ZEB1: variants seen among roughly 807,000 people sequenced by gnomAD.
ZEB1 encodes the protein zinc finger E-box binding homeobox 1.
Under a neutral mutation model 84.9 loss-of-function variants are expected in ZEB1, and 21 were observed. The ratio of observed to expected loss-of-function variants is 0.25; its 90% CI spans 0.18 to 0.36. ZEB1 has a LOEUF of 0.36. ZEB1 is among the 10% of genes least tolerant of loss of function. The pLI is 1.00. For missense variants in ZEB1, 1,104 were observed against 1,330.2 expected, an observed-to-expected ratio of 0.83 and a Z score of 2.65; for synonymous variants, 420 against 471.1, an observed-to-expected ratio of 0.89 and a Z score of 1.41.
chr10:31,477,121 A>T (rs777208523), intron 2 of ZEB1, among the ~76,000 whole-genome samples: 1 of 151,974 alleles, frequency 6.6e-6, no homozygotes, highest in African/African-American at 2.4e-5. Flanking sequence ...AAATCAAATT[A>T]TCTCTGGTCA....
chr10:31,488,615 C>T (rs538941564), intron 2 of ZEB1, among the ~76,000 whole-genome samples: 1 of 150,798 alleles, frequency 6.6e-6, no homozygotes, highest in South Asian at 2.1e-4. Flanking sequence ...TTTTAATACA[C>T]AATTCAGAAT....
chr10:31,446,854 AGGTGT>A (rs1445263876), intron 1 of ZEB1, among the ~76,000 whole-genome samples: 6 of 151,800 alleles, frequency 4.0e-5, no homozygotes, highest in Non-Finnish European at 8.8e-5. Context: ...ATTTTGGAAT[AGGTGT>A]GGTGTGGTGC....
intron 1 of ZEB1, among the ~76,000 whole-genome samples, chr10:31,326,031 A>G (rs2035421794): frequency 6.7e-6 from 1 of 148,718 alleles, no homozygotes; most frequent in Non-Finnish European, 1.5e-5. Context: ...AAAAAAACTC[A>G]TTTTCTTGGA....
chr10:31,446,317 G>T (rs2059768950), intron 1 of ZEB1, among the ~76,000 whole-genome samples: 1 of 151,744 alleles, frequency 6.6e-6, no homozygotes, highest in Admixed American at 6.6e-5. Context: ...TTTTTTATTA[G>T]TCTTGCTAGT....
intron 1 of ZEB1, among the ~76,000 whole-genome samples, chr10:31,350,582 A>T (rs549848707): frequency 1.3e-5 from 2 of 152,172 alleles, no homozygotes; most frequent in African/African-American, 4.8e-5. Context: ...CTAGTTTAAG[A>T]TACTTGGTTA....
intron 6 of ZEB1, among the ~76,000 whole-genome samples, chr10:31,515,709 T>C (rs2070960853): frequency 6.6e-6 from 1 of 152,098 alleles, no homozygotes; most frequent in Admixed American, 6.6e-5. Flanking sequence ...AGTTACCACT[T>C]GAAAATGCTC....
intron 1 of ZEB1, among the ~76,000 whole-genome samples, chr10:31,444,880 T>C (rs2059555016): frequency 6.6e-6 from 1 of 152,072 alleles, no homozygotes; most frequent in South Asian, 2.1e-4. Flanking sequence ...TGGCTTAGGA[T>C]TGACTTGGCG....
intron 1 of ZEB1, among the ~76,000 whole-genome samples, chr10:31,432,281 T>C (rs2057805443): frequency 2.0e-5 from 3 of 152,216 alleles, no homozygotes; most frequent in Admixed American, 6.5e-5. Flanking sequence ...TTATATTTTA[T>C]TTAGAAATTT....
intron 1 of ZEB1, among the ~76,000 whole-genome samples, chr10:31,376,123 A>G (rs2046577078): frequency 6.6e-6 from 1 of 151,808 alleles, no homozygotes; most frequent in African/African-American, 2.4e-5. Context: ...TTATTCATTC[A>G]GTATATTCTT....
At chr10:31,414,202 C>T (rs900894230) in intron 1 of ZEB1, among the ~76,000 whole-genome samples, 15 of 152,158 alleles carry the variant, frequency 9.9e-5, no homozygotes, top group African/African-American at 3.6e-4. Flanking sequence ...TGTAAAAGCA[C>T]ACAACATAGT....
chr10:31,372,507 T>C (rs2134473816), intron 1 of ZEB1, among the ~76,000 whole-genome samples: 2 of 152,128 alleles, frequency 1.3e-5, no homozygotes, highest in East Asian at 3.9e-4. Flanking sequence ...ATTTTTATAT[T>C]ATAATTAGAA....
chr10:31,459,448 C>G (rs1462917290), intron 1 of ZEB1, among the ~76,000 whole-genome samples: 3 of 151,866 alleles, frequency 2.0e-5, no homozygotes, highest in Non-Finnish European at 2.9e-5. Context: ...ATAAAATTTG[C>G]CATTATTTTT....
chr10:31,383,545 A>T (rs139702653), intron 1 of ZEB1, among the ~76,000 whole-genome samples: 12 of 152,314 alleles, frequency 7.9e-5, no homozygotes, highest in African/African-American at 2.2e-4. Context: ...TAATTTTTTT[A>T]AAATGCTAAA....
In ZEB1 at chr10:31,331,779, TGTG is replaced by T. The variant is rs1331938807; in HGVS notation, c.58+12489_58+12491del. On this transcript the variant is annotated intron_variant, in intron 1 of 8. Coordinates refer to ENST00000424869, the MANE Select transcript of ZEB1 (RefSeq NM_001174096.2). ...GCATAACACACATGCACACACATAT[TGTG>T]GGACTCAAGTCACGTTTGGTAAAAC... is the stretch of plus-strand genomic sequence containing the variant. Among the ~76,000 whole-genome samples the T allele has an allele frequency of 1.7e-4, 26 of 152,302 alleles. 1 individual carries two copies. Among genetic ancestry groups the T allele is most frequent in the African/African-American group, 6.3e-4 (26 of 41,552 alleles).
At chr10:31,478,660 C>T (rs1249583209) in intron 2 of ZEB1, among the ~76,000 whole-genome samples, 1 of 151,884 alleles carries the variant, frequency 6.6e-6, no homozygotes, top group Non-Finnish European at 1.5e-5. Flanking sequence ...CCATGAAATA[C>T]TATGCAGTCA....
intron 1 of ZEB1, among the ~76,000 whole-genome samples, chr10:31,389,268 A>G (rs1283053757): frequency 6.6e-6 from 1 of 152,158 alleles, no homozygotes; most frequent in African/African-American, 2.4e-5. Flanking sequence ...GTAGGAGGGA[A>G]AACCCAAAAT....
At chr10:31,449,042 C>G (rs1417960367) in intron 1 of ZEB1, among the ~76,000 whole-genome samples, 6 of 152,258 alleles carry the variant, frequency 3.9e-5, no homozygotes, top group Admixed American at 1.3e-4. Context: ...TGATCTCAGA[C>G]TGCTGTGCTA....
At chr10:31,377,890 C>T (rs2046948553) in intron 1 of ZEB1, among the ~76,000 whole-genome samples, 1 of 151,508 alleles carries the variant, frequency 6.6e-6, no homozygotes. Context: ...CTGCTGTTGG[C>T]AACACTAGAG....
At chr10:31,356,293 T>C (rs956930339) in intron 1 of ZEB1, among the ~76,000 whole-genome samples, 2 of 152,028 alleles carry the variant, frequency 1.3e-5, no homozygotes, top group African/African-American at 4.8e-5. Flanking sequence ...TTTTAAAAGA[T>C]AATTTGACTT....
Sources: allele counts gnomAD v4.1 joint callset (sites outside exome capture counted in the v4.1 genomes callset), GRCh38; gene constraint gnomAD v4.1.1; transcripts MANE v1.5; gene names NCBI Gene and HGNC (gene_info 2026-07-23, HGNC 2026-07-21).